RGS6: variants seen among roughly 807,000 people sequenced by gnomAD.
RGS6 encodes regulator of G protein signaling 6.
A neutral mutation model predicts 78.5 loss-of-function variants in RGS6; 30 were observed. The ratio of observed to expected loss-of-function variants is 0.38; its 90% CI spans 0.29 to 0.52. The LOEUF is 0.52. Ranked by LOEUF, RGS6 falls within the 20% of genes least tolerant of loss-of-function variation. RGS6 has a pLI of 0.85. For missense variants in RGS6, 495 were observed against 609.7 expected (o/e 0.81, Z 1.98); for synonymous variants, 206 against 206.0 (o/e 1.00, Z 0.00).
the RGS6 span, among the ~76,000 whole-genome samples, chr14:71,887,022 C>T: frequency 6.6e-6 from 1 of 152,062 alleles, no homozygotes; most frequent in Non-Finnish European, 1.5e-5. Flanking sequence ...TGTTGGTGGG[C>T]ACCTGTAATC....
intron 1 of RGS6, among the ~76,000 whole-genome samples, chr14:71,961,318 A>G (rs190112629): frequency 7.9e-5 from 12 of 152,268 alleles, no homozygotes; most frequent in African/African-American, 2.4e-4. Flanking sequence ...CAGAGCTGGA[A>G]GGAACTCTAA....
At chr14:72,424,498 A>C (rs2094347287) in intron 3 of RGS6, among the ~76,000 whole-genome samples, 1 of 152,112 alleles carries the variant, frequency 6.6e-6, no homozygotes, top group Non-Finnish European at 1.5e-5. Flanking sequence ...TTTTTTGGTG[A>C]AAACTCTTAA....
At chr14:72,147,987 T>C (rs1313794520) in intron 2 of RGS6, among the ~76,000 whole-genome samples, 1 of 151,792 alleles carries the variant, frequency 6.6e-6, no homozygotes, top group African/African-American at 2.4e-5. Flanking sequence ...AAAAATTAGC[T>C]GGGCATGGTG....
At chr14:71,975,674 G>A (rs1465805354) in intron 2 of RGS6, among the ~76,000 whole-genome samples, 1 of 152,116 alleles carries the variant, frequency 6.6e-6, no homozygotes, top group Non-Finnish European at 1.5e-5. Flanking sequence ...GACCAGGATG[G>A]TCTCGATCTC....
chr14:71,909,580 G>GAGAGAGAGAC, the RGS6 span, among the ~76,000 whole-genome samples: 1 of 144,688 alleles, frequency 6.9e-6, no homozygotes, highest in Admixed American at 7.0e-5. Flanking sequence ...AGGACATAGA[G>GAGAGAGAGAC]AGAGGGAAAG....
At chr14:72,465,941 G>A in intron 7 of RGS6, 119 bp downstream of exon 7, 1 of 698,456 alleles carries the variant, frequency 1.4e-6, no homozygotes, top group Non-Finnish European at 2.4e-6. Context: ...GACAGTGGAA[G>A]GGAAGTATCT....
At chr14:72,474,732 A>G (rs972752770) in intron 10 of RGS6, 33 bp downstream of exon 10, 2 of 1,552,048 alleles carry the variant, frequency 1.3e-6, no homozygotes, top group Non-Finnish European at 1.8e-6. Flanking sequence ...AAAATTCCTG[A>G]TGTGAATAGC....
chr14:71,933,303 G>A (rs2088176089), intron 1 of RGS6: 2 of 152,132 alleles, frequency 1.3e-5, no homozygotes, highest in Middle Eastern at 3.1e-3. Context: ...GTGATCGCAG[G>A]TAGGGCAGCT....
intron 2 of RGS6, among the ~76,000 whole-genome samples, chr14:72,301,268 T>C (rs1048904179): frequency 7.2e-5 from 11 of 152,226 alleles, no homozygotes; most frequent in Non-Finnish European, 1.6e-4. Flanking sequence ...TTATTTGTCA[T>C]GTACTCAGAT....
chr14:72,297,932 T>C (rs910524245), intron 2 of RGS6, among the ~76,000 whole-genome samples: 1 of 152,076 alleles, frequency 6.6e-6, no homozygotes, highest in Non-Finnish European at 1.5e-5. Context: ...AGAAGGTTTT[T>C]TTTTGAAGAT....
intron 2 of RGS6, chr14:71,991,014 A>C: frequency 2.8e-6 from 1 of 360,918 alleles, no homozygotes; most frequent in Non-Finnish European, 5.5e-6. Context: ...ATGTGAATCC[A>C]ATGCCATGTA....
the RGS6 span, among the ~76,000 whole-genome samples, chr14:72,573,256 T>C: frequency 6.6e-6 from 1 of 152,206 alleles, no homozygotes; most frequent in African/African-American, 2.4e-5. Flanking sequence ...TTGTGTCCAA[T>C]AGAAGCCTTG....
the RGS6 span, among the ~76,000 whole-genome samples, chr14:72,612,317 C>A: frequency 6.6e-6 from 1 of 152,130 alleles, no homozygotes; most frequent in Non-Finnish European, 1.5e-5. Context: ...GCCAGGGACG[C>A]CCTGCCTACC....
At chr14:72,504,921 ATTTT>A (rs34953560) in intron 13 of RGS6, among the ~76,000 whole-genome samples, 47 of 76,070 alleles carry the variant, frequency 6.2e-4, no homozygotes, top group Middle Eastern at 8.2e-3. Context: ...CGCCCAGCTA[ATTTT>A]TTTTTTTTTT....
intron 1 of RGS6, among the ~76,000 whole-genome samples, chr14:71,941,807 C>T (rs1447391083): frequency 2.0e-5 from 3 of 152,250 alleles, no homozygotes; most frequent in Non-Finnish European, 2.9e-5. Flanking sequence ...AACACCCACA[C>T]AGACACACCC....
At chr14:72,075,957 C>G (rs940893279) in intron 2 of RGS6, among the ~76,000 whole-genome samples, 1 of 152,220 alleles carries the variant, frequency 6.6e-6, no homozygotes, top group African/African-American at 2.4e-5. Context: ...AAGGCTCTGG[C>G]TAGCCTTGAT....
At chr14:72,066,430 G>A (rs768017186) in intron 2 of RGS6, among the ~76,000 whole-genome samples, 2 of 151,098 alleles carry the variant, frequency 1.3e-5, no homozygotes, top group Admixed American at 6.6e-5. Context: ...AAATACACAA[G>A]ATAATAGAAT....
chr14:72,223,035 AAATT>A lies in RGS6; in HGVS notation c.85-129056_85-129053del, dbSNP rs201873235. ...AACAAATTTTGTGTTTGTGGAATCC[AAATT>A]AATGAGATTTAACTGCATGCTAATT... is the stretch of plus-strand genomic sequence containing the variant. On this transcript the variant is annotated intron_variant, in intron 2 of 17. Coordinates refer to ENST00000553525, the MANE Select transcript of RGS6 (RefSeq NM_001204424.2). 9.0e-4 allele frequency among the ~76,000 whole-genome samples: 137 copies of A among 152,356 alleles called. 1 individual carries two copies. The East Asian group carries it at 0.021, about 23-fold the overall frequency.
chr14:72,410,848 T>C (rs993664845), intron 3 of RGS6, among the ~76,000 whole-genome samples: 11 of 152,246 alleles, frequency 7.2e-5, no homozygotes, highest in Non-Finnish European at 1.2e-4. Flanking sequence ...TTTCTTCTTT[T>C]TGTCAGGTTT....
Sources: gnomAD v4.1 joint callset for allele counts (sites outside exome capture counted in the v4.1 genomes callset) on GRCh38, gnomAD v4.1.1 for gene constraint, MANE v1.5 for transcripts, NCBI Gene and HGNC (gene_info 2026-07-23, HGNC 2026-07-21) for gene names.